NKX3-2: variants seen among roughly 807,000 people sequenced by gnomAD.
NKX3-2 encodes NK3 homeobox 2, also known as homeobox protein Nkx-3.2.
Under a neutral mutation model 19.4 loss-of-function variants are expected in NKX3-2, and 13 were observed. That is an observed-to-expected ratio of 0.67 (90% CI 0.44 to 1.07). The LOEUF (loss-of-function observed/expected upper bound fraction) is 1.07, where lower values mean the gene tolerates loss of function less well. Among genes scored for constraint, NKX3-2 ranks in the 50% least tolerant of loss-of-function variants. NKX3-2 has a pLI of 0.00. For synonymous variants in NKX3-2, 269 were observed against 230.5 expected (o/e 1.17, Z -1.51); for missense variants, 562 against 488.2 (o/e 1.15, Z -1.42).
chr4:13,544,095 C>A lies in NKX3-2; in HGVS notation c.320G>T (p.Cys107Phe), dbSNP rs763034242. Residue 107 changes from cysteine (C) to phenylalanine (F), a missense_variant, in exon 1 of 2, where the codon TGC becomes TTC. Cys to Phe is a radical substitution (Grantham distance 205). Transcript: ENST00000382438. ...CCCGCTGGCCCCCCGCGCGTCCGCG[C>A]AGCGCCGCCTGCTCTCGTTCTCCTC... ...LSEENESRRR[C>F]ADARGASGAG... 31 of 1,590,956 alleles carry A rather than the reference C, an allele frequency of 1.9e-5. No homozygotes were observed. The African/African-American group carries it at 4.2e-4, about 22-fold the overall frequency.
rs189823186 is a variant in NKX3-2 at position 13,541,636 on chromosome 4, G to T, written c.*357C>A. ...CTGAAATTCTGAGGATTCAGGCTAT[G>T]TGGTCTCCAGGAGTTGCCGCTCAGG... On this transcript the variant is annotated 3_prime_UTR_variant, in exon 2 of 2. Coordinates refer to ENST00000382438, the MANE Select transcript of NKX3-2 (RefSeq NM_001189.4). The T allele has an allele frequency of 9.0e-4, 227 of 250,908 alleles. 1 individual carries two copies. Among genetic ancestry groups the T allele is most frequent in the African/African-American group, 4.2e-3 (188 of 44,916 alleles). The allele number at this position is 250,908 out of a possible 1,614,324, so 15.5% of individuals were successfully genotyped here. A position where few individuals can be genotyped will look rare whatever the true frequency, so the allele number is the denominator to read the frequency against.
At chr4:13,544,710 G>T (rs1233052705), upstream of NKX3-2, 1 of 211,574 alleles carries the variant, frequency 4.7e-6, no homozygotes, top group Admixed American at 5.9e-5. Flanking sequence ...GCCCTTAGGG[G>T]CGGGCTGGGG....
chr4:13,545,460 T>A (rs563812676), upstream of NKX3-2, among the ~76,000 whole-genome samples: 10 of 152,352 alleles, frequency 6.6e-5, no homozygotes, highest in East Asian at 1.9e-3. Flanking sequence ...CATCCTTTTT[T>A]TTCTCCCTAC....
In NKX3-2 at chr4:13,543,994, C is replaced by A; in HGVS notation, c.421G>T (p.Glu141Ter). The A allele has an allele frequency of 6.4e-7, 1 of 1,570,512 alleles. No homozygotes were observed. Among genetic ancestry groups the A allele is most frequent in the East Asian group, 2.4e-5 (1 of 41,256 alleles). The change falls in exon 1 of 2, where the codon GAA becomes TAA. Residue 141 changes from glutamate to a stop codon, truncating the protein, a stop_gained. Coordinates refer to ENST00000382438, the MANE Select transcript of NKX3-2 (RefSeq NM_001189.4). LOFTEE classifies it high-confidence loss of function. This position sits in a 1 kb window ranked among gnomAD's most constrained non-coding sequence, Gnocchi z 7.1. Reference sequence around the variant, plus strand: ...TCGCTGTCGCTCCGGCCCGCGGCTTCCTCCTCTAGGTCTTTGGAAGCGGCC... The same window carrying A: ...TCGCTGTCGCTCCGGCCCGCGGCTTACTCCTCTAGGTCTTTGGAAGCGGCC... ...ELAASKDLEEEAAGRSDSEMS... is the reference protein window; with the variant it reads ...ELAASKDLEE
At position 13,542,166 on chromosome 4, in the gene NKX3-2, C is replaced by A. The variant is rs1406038240; in HGVS notation, c.829G>T (p.Ala277Ser). The A allele has an allele frequency of 4.4e-6, 7 of 1,607,880 alleles. No individual in the cohort carries two copies. In the Admixed American group the frequency reaches 5.1e-5, roughly 12 times the overall value. ...AGCACCTTTACGGCCACCTTCTTGG[C>A]GGCGGGCGCCGAGGCCAGCAGGTCG... ...AADLLASAPA[A>S]KKVAVKVLVR... Residue 277 changes from alanine (A) to serine (S), a missense_variant, in exon 2 of 2, where the codon GCC (alanine) becomes TCC (serine). Ala to Ser is a moderately conservative substitution (Grantham distance 99). Coordinates refer to ENST00000382438, the MANE Select transcript of NKX3-2 (RefSeq NM_001189.4). This position sits in a 1 kb window ranked among gnomAD's most constrained non-coding sequence, Gnocchi z 6.4.
chr4:13,541,845 A>C lies in NKX3-2; in HGVS notation c.*148T>G. 1.6e-6 allele frequency: 2 copies of C among 1,251,084 alleles called. No homozygotes were observed. Among genetic ancestry groups the C allele is most frequent in the Non-Finnish European group, 2.2e-6 (2 of 907,556 alleles). 77.5% of individuals were successfully genotyped at this position (1,251,084 alleles called of 1,614,324 possible). A position where few individuals can be genotyped will look rare whatever the true frequency, so the allele number is the denominator to read the frequency against. On this transcript the variant is annotated 3_prime_UTR_variant, in exon 2 of 2. Coordinates refer to ENST00000382438, the MANE Select transcript of NKX3-2 (RefSeq NM_001189.4). ...GCAGACTCAGCCCAGCTGCCAGGGG[A>C]CAAGTCCTGGCTAACGGGAGCTGGA...
At chr4:13,544,533 C>A, upstream of NKX3-2, 1 of 549,196 alleles carries the variant, frequency 1.8e-6, no homozygotes, top group South Asian at 8.2e-5. Flanking sequence ...AGGCCGCCGC[C>A]GCCCACTGCT....
At position 13,542,634 on chromosome 4, in the gene NKX3-2, T is replaced by C. The variant is rs987258374; in HGVS notation, c.467-106A>G. ...ACGGGAGTGGGGCGGAAATACACTT[T>C]GATCCCACTCAAGCGGAGCGGAGGT... On this transcript the variant is annotated intron_variant, in intron 1 of 1. Transcript: ENST00000382438. The surrounding 1 kb of genome is among the most constrained non-coding windows in gnomAD (Gnocchi z 6.4). 5.6e-6 allele frequency: 8 copies of C among 1,418,112 alleles called. No individual in the cohort carries two copies. Among genetic ancestry groups the C allele is most frequent in the East Asian group, 2.3e-5 (1 of 43,652 alleles). 87.8% of individuals were successfully genotyped at this position (1,418,112 alleles called of 1,614,324 possible). A position where few individuals can be genotyped will look rare whatever the true frequency, so the allele number is the denominator to read the frequency against.
Position 13,544,370 on chromosome 4 carries a change from C to A in NKX3-2, c.45G>T (p.Gln15His). The A allele has an allele frequency of 6.4e-7, 1 of 1,551,656 alleles. No homozygotes were observed. Among genetic ancestry groups the A allele is most frequent in the East Asian group, 2.5e-5 (1 of 40,736 alleles). ...GCTCCTCTTTCTTGTTGAGGATCGC[C>A]TGGATGGAGAAGGACGTCAAGGTGT... ...GANTLTSFSI[Q>H]AILNKKEERG... Residue 15 changes from glutamine (Q) to histidine (H), a missense_variant, in exon 1 of 2, where the codon CAG (glutamine) becomes CAT (histidine). Physicochemically the swap from Gln to His is conservative, Grantham distance 24 (BLOSUM62 0). Transcript: ENST00000382438.
chr4:13,547,062 G>T, upstream of NKX3-2: 1 of 456,344 alleles, frequency 2.2e-6, no homozygotes, highest in Non-Finnish European at 4.4e-6. Flanking sequence ...GCCGGGAGTT[G>T]GGTGCTTGGC....
chr4:13,543,327 C>T lies in NKX3-2; in HGVS notation c.466+622G>A, dbSNP rs546641253. On this transcript the variant is annotated intron_variant, in intron 1 of 1. Coordinates refer to ENST00000382438, the MANE Select transcript of NKX3-2 (RefSeq NM_001189.4). This position sits in a 1 kb window ranked among gnomAD's most constrained non-coding sequence, Gnocchi z 7.1. Reference sequence around the variant, plus strand: ...ACAGGACAGGCCACGGCTGAGGAGGCCTCTCTCCTGCCTCCAGGATGAACT... The same window carrying T: ...ACAGGACAGGCCACGGCTGAGGAGGTCTCTCTCCTGCCTCCAGGATGAACT... Among the ~76,000 whole-genome samples, 580 of 152,264 alleles carry T rather than the reference C, an allele frequency of 3.8e-3. 1 individual carries two copies. The highest frequency in any genetic ancestry group is 0.013 in the African/African-American group (532 of 41,554).
In NKX3-2 at chr4:13,542,479, T is replaced by C; in HGVS notation, c.516A>G (p.Ala172=). 6.3e-7 allele frequency: 1 copy of C among 1,596,472 alleles called. No individual in the cohort carries two copies. The highest frequency in any genetic ancestry group is 8.5e-7 in the Non-Finnish European group (1 of 1,179,432). ...CCCCGCTGCACAGCGCGGACACGTG[T>C]GCACCTCTGGGGCCAACACCGTCGT... ...TEDDGVGPRG[A]HVSALCSGAG... The change falls in exon 2 of 2, where the codon GCA becomes GCG. Residue 172 remains alanine (A), a synonymous_variant. Coordinates refer to ENST00000382438, the MANE Select transcript of NKX3-2 (RefSeq NM_001189.4). The surrounding 1 kb of genome is among the most constrained non-coding windows in gnomAD (Gnocchi z 6.4).
chr4:13,540,953 G>T lies in NKX3-2; in HGVS notation c.*1040C>A, dbSNP rs1717968723. On this transcript the variant is annotated 3_prime_UTR_variant, in exon 2 of 2. Transcript: ENST00000382438. ...CACAGTGCCATTAAGGAGGCGAAAA[G>T]CGGCGAGGTTGACAAGACAGGTGGG... 6.6e-6 allele frequency: 1 copy of T among 152,198 alleles called. No homozygotes were observed. The highest frequency in any genetic ancestry group is 2.4e-5 in the African/African-American group (1 of 41,434). 9.4% of individuals were successfully genotyped at this position (152,198 alleles called of 1,614,324 possible). A position where few individuals can be genotyped will look rare whatever the true frequency, so the allele number is the denominator to read the frequency against.
rs555622520 is a variant in NKX3-2 at position 13,544,238 on chromosome 4, G to C, written c.177C>G (p.Asp59Glu). 1.5e-5 allele frequency: 24 copies of C among 1,587,424 alleles called. No homozygotes were observed. In the East Asian group the frequency reaches 5.0e-4, roughly 33 times the overall value. The change falls in exon 1 of 2, where the codon GAC (aspartate) becomes GAG (glutamate). Residue 59 changes from aspartate (D) to glutamate (E), a missense_variant. Physicochemically the swap from Asp to Glu is conservative, Grantham distance 45. Coordinates refer to ENST00000382438, the MANE Select transcript of NKX3-2 (RefSeq NM_001189.4). ...CCTCGGCGCCCCCCAACGCGCCCGC[G>C]TCCCTCTCCCCAAAGAGCCGCCAAC... Reference protein sequence around the residue: ...VCCWRLFGERDAGALGGAEDS... With the variant: ...VCCWRLFGEREAGALGGAEDS...
upstream of NKX3-2, chr4:13,547,502 C>T (rs529878519): frequency 5.1e-5 from 12 of 234,448 alleles, no homozygotes; most frequent in Non-Finnish European, 9.1e-5. Flanking sequence ...CCCCGCCGCG[C>T]CCCCTCCGCG....
rs1303462344 is a variant in NKX3-2, at chr4:13,541,806, G to T, written c.*187C>A. On this transcript the variant is annotated 3_prime_UTR_variant, in exon 2 of 2. Coordinates refer to ENST00000382438, the MANE Select transcript of NKX3-2 (RefSeq NM_001189.4). ...GGTGCCTCTGTTCAAATTAGAAAAA[G>T]GCGCCCCCTCAGGGCAGACTCAGCC... The T allele has an allele frequency of 2.8e-5, 24 of 857,872 alleles. No homozygotes were observed. The highest frequency in any genetic ancestry group is 3.5e-5 in the Non-Finnish European group (20 of 577,744). 53.1% of individuals were successfully genotyped at this position (857,872 alleles called of 1,614,324 possible).
chr4:13,542,578 G>A lies in NKX3-2; in HGVS notation c.467-50C>T, dbSNP rs1718018560. The A allele has an allele frequency of 1.3e-6, 2 of 1,592,382 alleles. No individual in the cohort carries two copies. Among genetic ancestry groups the A allele is most frequent in the African/African-American group, 1.3e-5 (1 of 74,906 alleles). On this transcript the variant is annotated intron_variant, in intron 1 of 1. Coordinates refer to ENST00000382438, the MANE Select transcript of NKX3-2 (RefSeq NM_001189.4). This position sits in a 1 kb window ranked among gnomAD's most constrained non-coding sequence, Gnocchi z 6.4. ...ACAAGAGACTGTCAGCGCCACAGACGAGGTGAGGCCGGGCCTCAACTGCAG... is the reference window on the plus strand; with the variant it reads ...ACAAGAGACTGTCAGCGCCACAGACAAGGTGAGGCCGGGCCTCAACTGCAG...
chr4:13,545,154 G>T (rs1176049158), upstream of NKX3-2: 1 of 152,424 alleles, frequency 6.6e-6, no homozygotes, highest in African/African-American at 2.4e-5. Context: ...CCAGTTGGGC[G>T]ACGTTGACTT....
chr4:13,543,932 G>A lies in NKX3-2; in HGVS notation c.466+17C>T, dbSNP rs555563314. ...TCCCCTCAGCCCGGCCCCCATCCCC[G>A]CGAAGCCGCAGCAGACCTGAGACGC... On this transcript the variant is annotated intron_variant, in intron 1 of 1. Coordinates refer to ENST00000382438, the MANE Select transcript of NKX3-2 (RefSeq NM_001189.4). This position sits in a 1 kb window ranked among gnomAD's most constrained non-coding sequence, Gnocchi z 7.1. 6.8e-5 allele frequency: 104 copies of A among 1,531,790 alleles called. No homozygotes were observed. In the East Asian group the frequency reaches 2.4e-3, roughly 36 times the overall value. 94.9% of individuals were successfully genotyped at this position (1,531,790 alleles called of 1,614,324 possible).
Sources: gnomAD v4.1 joint callset for allele counts (sites outside exome capture counted in the v4.1 genomes callset) on GRCh38, gnomAD v4.1.1 for gene constraint, Gnocchi (gnomAD v3.1) non-coding constraint, MANE v1.5 for transcripts, NCBI Gene and HGNC (gene_info 2026-07-23, HGNC 2026-07-21) for gene names.